Variants in COL23A1 observed in about 807,000 individuals in gnomAD.
COL23A1 encodes collagen type XXIII alpha 1 chain, also known as collagen alpha-1(XXIII) chain.
COL23A1 carries 97 observed loss-of-function variants against 99.3 expected under a neutral mutation model. That is an observed-to-expected ratio of 0.98 (90% CI 0.83 to 1.16). The LOEUF (loss-of-function observed/expected upper bound fraction) is 1.16. COL23A1 is among the 50% of genes most tolerant of loss of function. The pLI is 0.00. For synonymous variants in COL23A1, 320 were observed against 308.2 expected (o/e 1.04, Z -0.40); for missense variants, 762 against 757.4 (o/e 1.01, Z -0.07).
chr5:178,268,627 G>A, intron 7 of COL23A1, 103 bp downstream of exon 7: 2 of 1,150,810 alleles, frequency 1.7e-6, no homozygotes, highest in Non-Finnish European at 2.5e-6. Flanking sequence ...CTCTAGGAGG[G>A]GCTGTGATGT....
intron 2 of COL23A1, among the ~76,000 whole-genome samples, chr5:178,360,678 G>C (rs777934470): frequency 6.6e-6 from 1 of 152,168 alleles, no homozygotes; most frequent in Non-Finnish European, 1.5e-5. Context: ...AATATGTTTC[G>C]AATGAGAAAC....
chr5:178,573,478 ACT>A lies in COL23A1; in HGVS notation c.295-12732_295-12731del, dbSNP rs543700051. Among the ~76,000 whole-genome samples, 45 of 152,292 alleles carry A rather than the reference ACT, an allele frequency of 3.0e-4. 1 individual carries two copies. The South Asian group carries it at 9.3e-3, about 32-fold the overall frequency. ...GTGACTCCCATTGGCACACTGAGTG[ACT>A]CTCTTTCAAACCACGTCAGCAAACG... On this transcript the variant is annotated intron_variant, in intron 1 of 28. Transcript: ENST00000390654.
Position 178,543,023 on chromosome 5 carries a change from C to T in COL23A1, c.361+17659G>A, listed in dbSNP as rs192777981. On this transcript the variant is annotated intron_variant, in intron 2 of 28. Transcript: ENST00000390654. ...TGGGATTAGATGGGGTGGTGAGATGCGAGTACAGGGAGACTTTCTTTTAAC... is the reference window on the plus strand; with the variant it reads ...TGGGATTAGATGGGGTGGTGAGATGTGAGTACAGGGAGACTTTCTTTTAAC... Among the ~76,000 whole-genome samples the T allele has an allele frequency of 3.8e-3, 570 of 151,952 alleles. 4 individuals are homozygous for T. The highest frequency in any genetic ancestry group is 0.013 in the African/African-American group (520 of 41,402).
chr5:178,533,335 G>C (rs926944012), intron 2 of COL23A1, among the ~76,000 whole-genome samples: 2 of 152,088 alleles, frequency 1.3e-5, no homozygotes, highest in African/African-American at 4.8e-5. Flanking sequence ...GAAACTTTGT[G>C]CCCATGGAAT....
chr5:178,583,401 C>T (rs1472024893), intron 1 of COL23A1, among the ~76,000 whole-genome samples: 1 of 152,204 alleles, frequency 6.6e-6, no homozygotes, highest in Non-Finnish European at 1.5e-5. Flanking sequence ...CCCTTTTCTT[C>T]CAATAACACC....
chr5:178,511,054 T>C (rs931734065), intron 2 of COL23A1, among the ~76,000 whole-genome samples: 1 of 152,222 alleles, frequency 6.6e-6, no homozygotes, highest in Non-Finnish European at 1.5e-5. Context: ...AGGAAGGAAC[T>C]AGAAATTATA....
chr5:178,409,018 A>ACACACG lies in COL23A1; in HGVS notation c.362-102100_362-102099insCGTGTG, dbSNP rs1554161440. The stretch of plus-strand genomic sequence containing the variant: ...CACACACACACACACACACACACAC[A>ACACACG]CACATCATGTGGCTGAACAATTGCA... On this transcript the variant is annotated intron_variant, in intron 2 of 28. Coordinates refer to ENST00000390654, the MANE Select transcript of COL23A1 (RefSeq NM_173465.4). Among the ~76,000 whole-genome samples the ACACACG allele has an allele frequency of 1.8e-3, 219 of 119,108 alleles. 2 individuals are homozygous for ACACACG. Among genetic ancestry groups the ACACACG allele is most frequent in the Middle Eastern group, 4.8e-3 (1 of 210 alleles). 78.1% of individuals were successfully genotyped at this position (119,108 alleles called of 152,430 possible).
chr5:178,547,410 C>T lies in COL23A1; in HGVS notation c.361+13272G>A, dbSNP rs145085916. On this transcript the variant is annotated intron_variant, in intron 2 of 28. Transcript: ENST00000390654. ...TTTTGGACTTGATAGTCCCCATAAT[C>T]ACGTGAGCCAATTCCTTCAAATAAA... Among the ~76,000 whole-genome samples, 286 of 151,760 alleles carry T rather than the reference C, an allele frequency of 1.9e-3. 1 individual carries two copies. In the East Asian group the frequency reaches 0.028, roughly 15 times the overall value.
intron 28 of COL23A1, 127 bp from the exon 29 acceptor site, chr5:178,238,827 C>T: frequency 7.8e-7 from 1 of 1,278,950 alleles, no homozygotes. Context: ...CACTCCCTCT[C>T]AGTGGGCCAG....
intron 5 of COL23A1, among the ~76,000 whole-genome samples, chr5:178,284,550 C>T (rs1349512167): frequency 6.6e-6 from 1 of 152,128 alleles, no homozygotes; most frequent in South Asian, 2.1e-4. Flanking sequence ...TTTGGTGCAG[C>T]AATTCCACTT....
At chr5:178,374,096 A>G (rs1444351512) in intron 2 of COL23A1, among the ~76,000 whole-genome samples, 1 of 152,202 alleles carries the variant, frequency 6.6e-6, no homozygotes, top group African/African-American at 2.4e-5. Context: ...TACAATTCTC[A>G]GCACACGCCA....
intron 2 of COL23A1, among the ~76,000 whole-genome samples, chr5:178,549,182 C>T (rs1032699460): frequency 2.2e-4 from 34 of 151,876 alleles, no homozygotes; most frequent in African/African-American, 7.7e-4. Flanking sequence ...TTAGTAGAGA[C>T]GGGGTTTCAC....
rs1758818567 is a variant in COL23A1, at chr5:178,313,555, T to C, written c.362-6636A>G. On this transcript the variant is annotated intron_variant, in intron 2 of 28. Coordinates refer to ENST00000390654, the MANE Select transcript of COL23A1 (RefSeq NM_173465.4). The surrounding 1 kb of genome is among the most constrained non-coding windows in gnomAD (Gnocchi z 4.2). ...TCCCCAAGGTCACACAGTGGAGAAA[T>C]GGCGGAACTGGAACTGGAACCCGGG... 6.6e-6 allele frequency among the ~76,000 whole-genome samples: 1 copy of C among 152,064 alleles called. No homozygotes were observed. The highest frequency in any genetic ancestry group is 2.4e-5 in the African/African-American group (1 of 41,388).
At chr5:178,274,258 C>T (rs771043185) in intron 5 of COL23A1, among the ~76,000 whole-genome samples, 2 of 152,174 alleles carry the variant, frequency 1.3e-5, no homozygotes, top group Admixed American at 6.5e-5. Flanking sequence ...GCAACTGAGG[C>T]GTGAGGCTGT....
intron 2 of COL23A1, among the ~76,000 whole-genome samples, chr5:178,515,039 G>A (rs1013972589): frequency 6.6e-6 from 1 of 152,238 alleles, no homozygotes; most frequent in Non-Finnish European, 1.5e-5. Context: ...TTTTCCACAT[G>A]CTCAAGAAAG....
chr5:178,552,512 C>T (rs367742882), intron 2 of COL23A1, among the ~76,000 whole-genome samples: 43 of 152,032 alleles, frequency 2.8e-4, no homozygotes, highest in Middle Eastern at 3.4e-3. Context: ...TAAATATATA[C>T]GTGTATCATT....
intron 2 of COL23A1, among the ~76,000 whole-genome samples, chr5:178,381,850 G>A (rs1443651467): frequency 6.6e-6 from 1 of 152,172 alleles, no homozygotes; most frequent in African/African-American, 2.4e-5. Context: ...TGCCCTCACT[G>A]TTCTTGAACT....
chr5:178,521,291 C>A (rs1192624940), intron 2 of COL23A1, among the ~76,000 whole-genome samples: 1 of 152,186 alleles, frequency 6.6e-6, no homozygotes, highest in Non-Finnish European at 1.5e-5. Context: ...CGGTGGCTCA[C>A]ACCTGTAATC....
intron 2 of COL23A1, among the ~76,000 whole-genome samples, chr5:178,505,177 T>A (rs1414823949): frequency 6.6e-6 from 1 of 152,134 alleles, no homozygotes. Context: ...CCTTGACTTG[T>A]AAGTGGCTTA....
Sources: gnomAD v4.1 joint callset for allele counts (sites outside exome capture counted in the v4.1 genomes callset) on GRCh38, gnomAD v4.1.1 for gene constraint, Gnocchi (gnomAD v3.1) non-coding constraint, MANE v1.5 for transcripts, NCBI Gene and HGNC (gene_info 2026-07-23, HGNC 2026-07-21) for gene names.